CCDC93: variants seen among roughly 807,000 people sequenced by gnomAD.
CCDC93 encodes the protein coiled-coil domain-containing protein 93.
In CCDC93, 61 loss-of-function variants were observed where a neutral mutation model predicts 108.2. That is an observed-to-expected ratio of 0.56 (90% CI 0.46 to 0.70). The LOEUF (loss-of-function observed/expected upper bound fraction) is 0.70, where lower values mean the gene tolerates loss of function less well. CCDC93 is among the 30% of genes least tolerant of loss of function. The pLI, the probability that CCDC93 is intolerant of heterozygous loss-of-function variation, is 0.00. For missense variants in CCDC93, 685 were observed against 764.2 expected (o/e 0.90, Z 1.22); for synonymous variants, 276 against 260.4 (o/e 1.06, Z -0.58).
At chr2:117,951,004 T>A (rs1193681311) in intron 13 of CCDC93, 1 of 984,990 alleles carries the variant, frequency 1.0e-6, no homozygotes, top group Non-Finnish European at 1.2e-6. Flanking sequence ...AATCACACCC[T>A]CCACCTTTCT....
chr2:117,994,648 T>C (rs990609702), intron 6 of CCDC93, among the ~76,000 whole-genome samples: 4 of 152,212 alleles, frequency 2.6e-5, no homozygotes, highest in African/African-American at 9.7e-5. Context: ...ATCTTTACAA[T>C]GACACAAGGT....
chr2:117,926,796 G>T (rs1420326179), intron 23 of CCDC93, among the ~76,000 whole-genome samples: 5 of 151,806 alleles, frequency 3.3e-5, no homozygotes, highest in Non-Finnish European at 7.4e-5. Context: ...TGATACCAAA[G>T]CCTGGCAGAG....
intron 23 of CCDC93, among the ~76,000 whole-genome samples, chr2:117,927,740 A>T (rs1011008092): frequency 1.1e-4 from 16 of 152,216 alleles, no homozygotes; most frequent in African/African-American, 3.6e-4. Context: ...GACTTTCTTC[A>T]CAGAATTGGA....
intron 13 of CCDC93, chr2:117,951,514 C>T: frequency 1.0e-6 from 1 of 993,936 alleles, no homozygotes; most frequent in Non-Finnish European, 1.2e-6. Flanking sequence ...TGGTAAATGT[C>T]ATGTGAATTC....
intron 7 of CCDC93, 35 bp from the exon 8 acceptor site, chr2:117,978,065 T>TA: frequency 6.3e-7 from 1 of 1,596,482 alleles, no homozygotes; most frequent in Admixed American, 1.7e-5. Context: ...AATTACTACT[T>TA]AAAAAATTAC....
chr2:117,941,706 C>T (rs1287933793), intron 18 of CCDC93, among the ~76,000 whole-genome samples: 1 of 152,232 alleles, frequency 6.6e-6, no homozygotes, highest in Non-Finnish European at 1.5e-5. Context: ...GCCGCCTCCA[C>T]ATACATCCCA....
chr2:117,950,699 CATTA>C, intron 13 of CCDC93: 1 of 985,458 alleles, frequency 1.0e-6, no homozygotes, highest in Non-Finnish European at 1.2e-6. Context: ...AGGTGAAAAA[CATTA>C]ATTACGCACA....
In CCDC93 at chr2:117,920,282, T is replaced by C; in HGVS notation, c.*61A>G. On this transcript the variant is annotated 3_prime_UTR_variant, in exon 24 of 24. Transcript: ENST00000376300. Reference sequence around the variant, plus strand: ...CGCTTTCAGAACCATTTCATGATCTTGTAGGTGATATACGGTGCTTAAAAG... The same window carrying C: ...CGCTTTCAGAACCATTTCATGATCTCGTAGGTGATATACGGTGCTTAAAAG... 2 of 1,112,594 alleles carry C rather than the reference T, an allele frequency of 1.8e-6. No homozygotes were observed. The highest frequency in any genetic ancestry group is 2.7e-6 in the Non-Finnish European group (2 of 735,214). The allele number at this position is 1,112,594 out of a possible 1,614,324, so 68.9% of individuals were successfully genotyped here.
chr2:117,995,294 G>A (rs943760397), intron 6 of CCDC93, 152 bp downstream of exon 6: 2 of 685,382 alleles, frequency 2.9e-6, no homozygotes, highest in African/African-American at 1.8e-5. Context: ...GAGCAGTAAA[G>A]CAGGCGGGGC....
At chr2:118,012,465 A>G (rs186651955) in intron 1 of CCDC93, 3 of 152,246 alleles carry the variant, frequency 2.0e-5, no homozygotes, top group African/African-American at 7.2e-5. Flanking sequence ...GTTGCTCTTC[A>G]TTAATTAATT....
chr2:117,956,585 T>G (rs1156277253), intron 12 of CCDC93, among the ~76,000 whole-genome samples: 1 of 152,200 alleles, frequency 6.6e-6, no homozygotes, highest in African/African-American at 2.4e-5. Flanking sequence ...TGATGAGTTC[T>G]TTTTGAACCA....
At position 118,008,698 on chromosome 2, in the gene CCDC93, C is replaced by T. The variant is rs766348670; in HGVS notation, c.43-40G>A. The T allele has an allele frequency of 3.7e-6, 5 of 1,338,462 alleles. No homozygotes were observed. The East Asian group carries it at 1.1e-4, about 31-fold the overall frequency. 82.9% of individuals were successfully genotyped at this position (1,338,462 alleles called of 1,614,324 possible). A position where few individuals can be genotyped will look rare whatever the true frequency, so the allele number is the denominator to read the frequency against. On this transcript the variant is annotated intron_variant, in intron 1 of 23. Coordinates refer to ENST00000376300, the MANE Select transcript of CCDC93 (RefSeq NM_019044.5). ...AAAACTTTGGCTGGTAAAAGATATGCTGAATAAAGGAACACCAGGTATATC... is the reference window on the plus strand; with the variant it reads ...AAAACTTTGGCTGGTAAAAGATATGTTGAATAAAGGAACACCAGGTATATC...
At chr2:117,948,326 C>T (rs1018155679) in intron 14 of CCDC93, 140 bp from the exon 15 acceptor site, 1 of 609,562 alleles carries the variant, frequency 1.6e-6, no homozygotes, top group Non-Finnish European at 2.9e-6. Context: ...ACAGATTCTG[C>T]ACAAATGATA....
chr2:117,965,559 A>G (rs571824760), intron 11 of CCDC93, among the ~76,000 whole-genome samples: 1 of 152,342 alleles, frequency 6.6e-6, no homozygotes, highest in African/African-American at 2.4e-5. Flanking sequence ...AAATATTTTA[A>G]TATCAACAAA....
At chr2:117,920,740 T>TG (rs144709421) in intron 23 of CCDC93, among the ~76,000 whole-genome samples, 2,735 of 151,452 alleles carry the variant, frequency 0.018, 70 homozygotes, top group African/African-American at 0.061. Flanking sequence ...GGTGAGGGAG[T>TG]GGGGAAAGGC....
intron 19 of CCDC93, 49 bp downstream of exon 19, chr2:117,941,140 G>A (rs1289684444): frequency 3.0e-6 from 4 of 1,336,162 alleles, no homozygotes; most frequent in Non-Finnish European, 4.3e-6. Flanking sequence ...CAGACCCCTC[G>A]CCTGTCCCTT....
chr2:117,945,513 G>A lies in CCDC93; in HGVS notation c.1350+16C>T, dbSNP rs1352832180. The stretch of plus-strand genomic sequence containing the variant: ...CCTCAGGAGACAATGCCAGTCCTGA[G>A]CAGGCAGGTACTTACGTCATGAGTC... On this transcript the variant is annotated intron_variant, in intron 17 of 23. Coordinates refer to ENST00000376300, the MANE Select transcript of CCDC93 (RefSeq NM_019044.5). 1.2e-6 allele frequency: 2 copies of A among 1,611,486 alleles called. No individual in the cohort carries two copies.
chr2:117,989,383 C>A lies in CCDC93; in HGVS notation c.520-3314G>T, dbSNP rs533825937. Among the ~76,000 whole-genome samples the A allele has an allele frequency of 6.2e-4, 95 of 152,222 alleles. 1 individual carries two copies. The South Asian group carries it at 0.018, about 30-fold the overall frequency. On this transcript the variant is annotated intron_variant, in intron 6 of 23. Transcript: ENST00000376300. ...CCTTGCATGCAAGCTTCTGGATGGTCTCATGGTATAAGGGACTCCTCTACC... is the reference window on the plus strand; with the variant it reads ...CCTTGCATGCAAGCTTCTGGATGGTATCATGGTATAAGGGACTCCTCTACC...
intron 23 of CCDC93, among the ~76,000 whole-genome samples, chr2:117,921,214 A>G (rs1449800843): frequency 6.6e-6 from 1 of 150,798 alleles, no homozygotes; most frequent in Non-Finnish European, 1.5e-5. Flanking sequence ...GCCCTTCCTT[A>G]AAACCGAACT....
Sources: gnomAD v4.1 joint callset for allele counts (sites outside exome capture counted in the v4.1 genomes callset) on GRCh38, gnomAD v4.1.1 for gene constraint, MANE v1.5 for transcripts, NCBI Gene and HGNC (gene_info 2026-07-23, HGNC 2026-07-21) for gene names.